The following ZNF658 variants were observed in gnomAD, a reference collection of about 807,000 sequenced individuals.
ZNF658 encodes zinc finger protein 658.
In ZNF658, 46 loss-of-function variants were observed where a neutral mutation model predicts 78.0. The ratio of observed to expected loss-of-function variants is 0.59; its 90% confidence interval spans 0.47 to 0.75. The LOEUF is 0.75. Ranked by LOEUF, ZNF658 falls within the 30% of genes least tolerant of loss-of-function variation. The probability of loss-of-function intolerance (pLI) is 0.00; values close to 1 mark genes in which losing one functional copy is unlikely to be tolerated. For missense variants in ZNF658, 785 were observed against 1,189.3 expected (o/e 0.66, Z 5.00); for synonymous variants, 279 against 408.4 (o/e 0.68, Z 3.82).
chr9:66,904,976 T>TA lies in ZNF658; in HGVS notation c.15+1401dup, dbSNP rs1822038446. ...GTAATATGATGACTTGTTTCTCTGTTACAGCTTTCCGATTGTCTGTCTTTT... is the reference window on the plus strand; with the variant it reads ...GTAATATGATGACTTGTTTCTCTGTTAACAGCTTTCCGATTGTCTGTCTTTT... On this transcript the variant is annotated intron_variant, in intron 2 of 4. Coordinates refer to ENST00000621410, the MANE Select transcript of ZNF658 (RefSeq NM_033160.7). Among the ~76,000 whole-genome samples, 9 of 151,776 alleles carry TA rather than the reference T, an allele frequency of 5.9e-5. No homozygotes were observed. The South Asian group carries it at 1.9e-3, about 32-fold the overall frequency.
intron 6 of ZNF658, among the ~76,000 whole-genome samples, chr9:66,927,484 C>T (rs1822597184): frequency 6.6e-6 from 1 of 151,610 alleles, no homozygotes; most frequent in African/African-American, 2.4e-5. Flanking sequence ...TATATTGCTC[C>T]AATAATCCCA....
intron 4 of ZNF658, 102 bp downstream of exon 4, chr9:66,908,836 C>A: frequency 1.5e-6 from 1 of 683,860 alleles, no homozygotes; most frequent in South Asian, 1.8e-5. Flanking sequence ...AGATATAATT[C>A]ACATGCCTAC....
intron 6 of ZNF658, among the ~76,000 whole-genome samples, chr9:66,931,361 G>C (rs893073007): frequency 6.6e-6 from 1 of 151,126 alleles, no homozygotes; most frequent in African/African-American, 2.4e-5. Flanking sequence ...AATATTTTTT[G>C]AAGTTTTATT....
chr9:66,928,578 C>T (rs1173042585), intron 6 of ZNF658, among the ~76,000 whole-genome samples: 1 of 151,256 alleles, frequency 6.6e-6, no homozygotes, highest in Non-Finnish European at 1.5e-5. Context: ...ATAGGCCATA[C>T]ACGGTGGCTC....
At chr9:66,904,468 G>T (rs994921906) in intron 2 of ZNF658, among the ~76,000 whole-genome samples, 14 of 151,668 alleles carry the variant, frequency 9.2e-5, no homozygotes, top group African/African-American at 2.4e-4. Context: ...TGGCTCTTTA[G>T]TCTTCTCTGT....
intron 2 of ZNF658, among the ~76,000 whole-genome samples, chr9:66,907,556 T>G (rs1264210425): frequency 6.6e-6 from 1 of 152,080 alleles, no homozygotes; most frequent in South Asian, 2.1e-4. Flanking sequence ...TGTCTACATC[T>G]ATGAGTTTGA....
chr9:66,926,575 CAAGT>C (rs1402986862), intron 6 of ZNF658, among the ~76,000 whole-genome samples: 1 of 138,552 alleles, frequency 7.2e-6, no homozygotes, highest in Non-Finnish European at 1.6e-5. Context: ...TAAAAGGACA[CAAGT>C]AAATGGAAAG....
chr9:66,910,883 A>G (rs1822201061), intron 4 of ZNF658, among the ~76,000 whole-genome samples: 1 of 151,398 alleles, frequency 6.6e-6, no homozygotes, highest in Non-Finnish European at 1.5e-5. Context: ...TATCATTCAG[A>G]TTTGAATTCA....
downstream of ZNF658, among the ~76,000 whole-genome samples, chr9:66,925,265 G>A (rs1043841142): frequency 1.3e-4 from 19 of 150,200 alleles, no homozygotes; most frequent in African/African-American, 3.7e-4. Context: ...TGCAATTTTA[G>A]CAAATAAATT....
chr9:66,920,941 TAAAAAA>T lies in ZNF658; in HGVS notation c.*202_*207del. ...AAATATTACATTTACCCTTGGCCCT[TAAAAAA>T]AAAAAAGAAAAACCCTCACAGTCTT... On this transcript the variant is annotated 3_prime_UTR_variant, in exon 5 of 5. Transcript: ENST00000621410. 1.8e-6 allele frequency: 1 copy of T among 566,288 alleles called. No individual in the cohort carries two copies. The highest frequency in any genetic ancestry group is 3.0e-5 in the East Asian group (1 of 32,944). 35.1% of individuals were successfully genotyped at this position (566,288 alleles called of 1,614,324 possible).
In ZNF658 at chr9:66,921,114, T is replaced by G; in HGVS notation, c.*368T>G. 4.8e-6 allele frequency: 1 copy of G among 207,472 alleles called. No individual in the cohort carries two copies. Among genetic ancestry groups the G allele is most frequent in the African/African-American group, 2.4e-5 (1 of 42,052 alleles). 12.9% of individuals were successfully genotyped at this position (207,472 alleles called of 1,614,324 possible). ...TCCAGGTCTTCATCAGGGTTTTGTT[T>G]TTGTTGCTTTAAAGCAAGAGTTAAG... is the stretch of plus-strand genomic sequence containing the variant. On this transcript the variant is annotated 3_prime_UTR_variant, in exon 5 of 5. Coordinates refer to ENST00000621410, the MANE Select transcript of ZNF658 (RefSeq NM_033160.7).
intron 2 of ZNF658, among the ~76,000 whole-genome samples, chr9:66,907,421 TA>T (rs1469084084): frequency 6.6e-6 from 1 of 152,178 alleles, no homozygotes. Context: ...TTTTTCATTC[TA>T]GTCATCATCC....
intron 1 of ZNF658, among the ~76,000 whole-genome samples, chr9:66,901,629 A>G (rs1821954510): frequency 6.6e-6 from 1 of 152,004 alleles, no homozygotes; most frequent in Non-Finnish European, 1.5e-5. Flanking sequence ...CAATAGAAAG[A>G]TAAGGCAAAA....
intron 4 of ZNF658, among the ~76,000 whole-genome samples, chr9:66,912,440 A>G (rs1822235005): frequency 1.1e-5 from 1 of 90,114 alleles, no homozygotes; most frequent in Non-Finnish European, 2.2e-5. Flanking sequence ...GCAGCTAAAT[A>G]TCTGTATATA....
intron 3 of ZNF658, 122 bp downstream of exon 3, chr9:66,908,486 A>T: frequency 6.6e-7 from 1 of 1,512,972 alleles, no homozygotes; most frequent in Admixed American, 2.3e-5. Flanking sequence ...AAGTAGTTGA[A>T]ACCTTTACAG....
intron 2 of ZNF658, among the ~76,000 whole-genome samples, chr9:66,904,464 T>C (rs1822028063): frequency 6.6e-6 from 1 of 151,868 alleles, no homozygotes; most frequent in African/African-American, 2.4e-5. Flanking sequence ...TCCTTGGCTC[T>C]TTAGTCTTCT....
rs1183680945 is a variant in ZNF658, at chr9:66,918,641, A to G, written c.1075A>G (p.Thr359Ala). ...GDKFGEHNEC[T>A]DALYQKLDFT... ...TAAATTTGGTGAACATAATGAATGT[A>G]CAGATGCCCTCTACCAGAAATTAGA... is the stretch of plus-strand genomic sequence containing the variant. Residue 359 changes from threonine (T) to alanine (A), a missense_variant, in exon 5 of 5, where the codon ACA becomes GCA. Physicochemically the swap from Thr to Ala is moderately conservative, Grantham distance 58 (BLOSUM62 0). Transcript: ENST00000621410. The G allele has an allele frequency of 1.2e-6, 2 of 1,613,418 alleles. No individual in the cohort carries two copies. Among genetic ancestry groups the G allele is most frequent in the Non-Finnish European group, 1.7e-6 (2 of 1,179,520 alleles).
intron 6 of ZNF658, among the ~76,000 whole-genome samples, chr9:66,931,456 G>C (rs928384247): frequency 1.3e-5 from 2 of 152,114 alleles, no homozygotes; most frequent in Non-Finnish European, 1.5e-5. Flanking sequence ...GTAAGAGAGA[G>C]CCCCAGAGAC....
chr9:66,928,636 A>T (rs1409300327), intron 6 of ZNF658, among the ~76,000 whole-genome samples: 2 of 151,728 alleles, frequency 1.3e-5, no homozygotes, highest in Admixed American at 1.3e-4. Context: ...ACAGATCACG[A>T]GGTCAGGAGA....
Sources: gnomAD v4.1 joint callset for allele counts (sites outside exome capture counted in the v4.1 genomes callset) on GRCh38, gnomAD v4.1.1 for gene constraint, MANE v1.5 for transcripts, NCBI Gene and HGNC (gene_info 2026-07-23, HGNC 2026-07-21) for gene names.